Variants in VXN observed in about 807,000 individuals in gnomAD.
VXN encodes the protein vexin, also known as uncharacterized protein C8orf46.
In VXN, 7 loss-of-function variants were observed where a neutral mutation model predicts 23.1. The ratio of observed to expected loss-of-function variants is 0.30; its 90% confidence interval spans 0.17 to 0.57. VXN has a LOEUF of 0.57. Among genes scored for constraint, VXN ranks in the 20% least tolerant of loss-of-function variants. VXN has a pLI of 0.91. For synonymous variants in VXN, 120 were observed against 105.8 expected (o/e 1.13, Z -0.83); for missense variants, 238 against 272.6 (o/e 0.87, Z 0.89).
intron 5 of VXN, chr8:66,514,363 A>T (rs534683992): frequency 6.6e-6 from 1 of 152,306 alleles, no homozygotes; most frequent in South Asian, 2.1e-4. Flanking sequence ...ATCTGTTCAA[A>T]AACAAAAAGG....
intron 4 of VXN, among the ~76,000 whole-genome samples, chr8:66,513,287 C>G (rs1807845906): frequency 6.6e-6 from 1 of 152,228 alleles, no homozygotes; most frequent in African/African-American, 2.4e-5. Flanking sequence ...GGACTAGCAG[C>G]ACCAGCACAC....
intron 3 of VXN, among the ~76,000 whole-genome samples, chr8:66,506,613 T>C (rs1350958148): frequency 1.3e-5 from 2 of 152,164 alleles, no homozygotes; most frequent in Non-Finnish European, 2.9e-5. Flanking sequence ...CCTTCGGGCG[T>C]TGGCAACTTT....
At position 66,518,371 on chromosome 8, in the gene VXN, A is replaced by T. The variant is rs1807919898; in HGVS notation, c.*2295A>T. On this transcript the variant is annotated 3_prime_UTR_variant, in exon 6 of 6. Coordinates refer to ENST00000305454, the MANE Select transcript of VXN (RefSeq NM_152765.4). ...TTTATAACTGGTATCTTTCATTTGT[A>T]TGTGGCAGCTAGAGATTTATATAGG... is the stretch of plus-strand genomic sequence containing the variant. The T allele has an allele frequency of 6.6e-6, 1 of 152,196 alleles. No homozygotes were observed. Among genetic ancestry groups the T allele is most frequent in the Non-Finnish European group, 1.5e-5 (1 of 68,030 alleles). 9.4% of individuals were successfully genotyped at this position (152,196 alleles called of 1,614,324 possible). A position where few individuals can be genotyped will look rare whatever the true frequency, so the allele number is the denominator to read the frequency against.
chr8:66,512,297 A>G (rs975117934), intron 4 of VXN, among the ~76,000 whole-genome samples: 6 of 152,092 alleles, frequency 3.9e-5, no homozygotes, highest in African/African-American at 1.2e-4. Context: ...TCACCCAGAG[A>G]TAAGGGGGTG....
At chr8:66,494,059 A>G (rs1807597779) in intron 1 of VXN, among the ~76,000 whole-genome samples, 1 of 152,114 alleles carries the variant, frequency 6.6e-6, no homozygotes, top group Non-Finnish European at 1.5e-5. Context: ...AGAGACTTTC[A>G]TTTTTTCCAG....
intron 4 of VXN, 79 bp from the exon 5 acceptor site, chr8:66,513,461 C>T (rs78008917): frequency 0.025 from 29,635 of 1,168,988 alleles, 1,422 homozygotes; most frequent in East Asian, 0.18. Context: ...TCAGTCCCCC[C>T]ACTTGCAGAC....
At chr8:66,501,850 C>T (rs1807695669) in intron 2 of VXN, among the ~76,000 whole-genome samples, 1 of 152,140 alleles carries the variant, frequency 6.6e-6, no homozygotes, top group South Asian at 2.1e-4. Context: ...ACCAACTGAC[C>T]CTTGGCTTCC....
intron 1 of VXN, among the ~76,000 whole-genome samples, chr8:66,495,839 C>A (rs1418902776): frequency 6.6e-6 from 1 of 152,174 alleles, no homozygotes; most frequent in Non-Finnish European, 1.5e-5. Flanking sequence ...TGTTGTGCAA[C>A]CATCACCCCC....
chr8:66,505,813 T>G (rs1009719806), intron 3 of VXN, among the ~76,000 whole-genome samples: 6 of 152,194 alleles, frequency 3.9e-5, no homozygotes, highest in African/African-American at 1.2e-4. Context: ...TTTCTTTTCT[T>G]TCATTGAGAC....
intron 3 of VXN, among the ~76,000 whole-genome samples, chr8:66,508,901 A>G (rs2130553945): frequency 6.6e-6 from 1 of 152,304 alleles, no homozygotes; most frequent in African/African-American, 2.4e-5. Context: ...AAGCTGAGGT[A>G]GGAGAATTGA....
At chr8:66,493,761 T>C (rs1414293758) in intron 1 of VXN, 43 bp downstream of exon 1, 3 of 1,540,484 alleles carry the variant, frequency 1.9e-6, no homozygotes, top group Non-Finnish European at 2.7e-6. Context: ...CGTGGCATCT[T>C]AGGCAGGAGG....
In VXN at chr8:66,506,794, A is replaced by T. The variant is rs368510428; in HGVS notation, c.280+1266A>T. 2.7e-4 allele frequency among the ~76,000 whole-genome samples: 41 copies of T among 152,244 alleles called. 1 individual carries two copies. In the East Asian group the frequency reaches 2.9e-3, roughly 11 times the overall value. ...CATAAGAACTCATACATCAAGCTAT[A>T]TTCTCTATTAAGTGGTTACATACAC... On this transcript the variant is annotated intron_variant, in intron 3 of 5. Transcript: ENST00000305454.
intron 2 of VXN, among the ~76,000 whole-genome samples, chr8:66,503,885 G>A (rs762028118): frequency 3.3e-5 from 5 of 152,206 alleles, no homozygotes; most frequent in Admixed American, 6.5e-5. Context: ...CCATCTCAGA[G>A]CCTCCATTAT....
chr8:66,501,652 C>T lies in VXN; in HGVS notation c.127-3723C>T, dbSNP rs185209571. ...AGTGCTCTCTGGCTTTTTGCACTTT[C>T]CTCTGAATTTCTAATTTCCCCTAAC... On this transcript the variant is annotated intron_variant, in intron 2 of 5. Transcript: ENST00000305454. Among the ~76,000 whole-genome samples the T allele has an allele frequency of 1.3e-4, 20 of 152,284 alleles. No individual in the cohort carries two copies. The South Asian group carries it at 2.9e-3, about 22-fold the overall frequency.
chr8:66,505,443 G>C lies in VXN; in HGVS notation c.195G>C (p.Arg65Ser), dbSNP rs746814013. 3 of 1,575,544 alleles carry C rather than the reference G, an allele frequency of 1.9e-6. No individual in the cohort carries two copies. In the South Asian group the frequency reaches 3.5e-5, roughly 18 times the overall value. The part of the protein sequence containing the change: ...LELLPHRGDR[R>S]DPGDRRRFGR... The stretch of plus-strand genomic sequence containing the variant: ...TGCTGCCCCACCGCGGAGACCGCAG[G>C]GACCCTGGCGACCGCCGCAGGTTTG... The change falls in exon 3 of 6, where the codon AGG becomes AGC. Residue 65 changes from arginine (R) to serine (S), a missense_variant. Arg to Ser is a moderately radical substitution (Grantham distance 110). Coordinates refer to ENST00000305454, the MANE Select transcript of VXN (RefSeq NM_152765.4).
Position 66,498,605 on chromosome 8 carries a change from T to TTG in VXN, c.126+2129_126+2130dup, listed in dbSNP as rs149331151. Among the ~76,000 whole-genome samples the TTG allele has an allele frequency of 7.2e-3, 1,087 of 151,210 alleles. 4 individuals are homozygous for TTG. The highest frequency in any genetic ancestry group is 0.014 in the African/African-American group (597 of 41,310). Reference sequence around the variant, plus strand: ...TGTATCACTATATCCTTTAAATCTTTTGTGTGTGTGTGTGTGTCCTTTAAA... The same window carrying TTG: ...TGTATCACTATATCCTTTAAATCTTTTGTGTGTGTGTGTGTGTGTCCTTTAAA... On this transcript the variant is annotated intron_variant, in intron 2 of 5. Transcript: ENST00000305454.
chr8:66,513,871 C>T (rs1043391963), intron 5 of VXN: 14 of 481,402 alleles, frequency 2.9e-5, no homozygotes, highest in Middle Eastern at 5.3e-4. Context: ...ACTTCATTAA[C>T]GCCACTCTTT....
chr8:66,494,208 G>C (rs1186090379), intron 1 of VXN, among the ~76,000 whole-genome samples: 1 of 152,166 alleles, frequency 6.6e-6, no homozygotes, highest in Non-Finnish European at 1.5e-5. Context: ...ACCCTGGGCT[G>C]GCTTCTCCAC....
chr8:66,505,637 T>C, intron 3 of VXN, 109 bp downstream of exon 3: 1 of 1,307,468 alleles, frequency 7.6e-7, no homozygotes, highest in Non-Finnish European at 1.0e-6. Flanking sequence ...GCGGCCTCAG[T>C]CGCGCCAGGT....
Sources: gnomAD v4.1 joint callset for allele counts (sites outside exome capture counted in the v4.1 genomes callset) on GRCh38, gnomAD v4.1.1 for gene constraint, MANE v1.5 for transcripts, NCBI Gene and HGNC (gene_info 2026-07-23, HGNC 2026-07-21) for gene names.